MYO3B: variants seen among roughly 807,000 people sequenced by gnomAD.
MYO3B encodes myosin-IIIb.
MYO3B carries 156 observed loss-of-function variants against 174.6 expected under a neutral mutation model. The ratio of observed to expected loss-of-function variants is 0.89; its 90% CI spans 0.78 to 1.02. The LOEUF (loss-of-function observed/expected upper bound fraction) is 1.02, where lower values mean the gene tolerates loss of function less well. Ranked by LOEUF, MYO3B falls within the 50% of genes least tolerant of loss-of-function variation. The pLI is 0.00. For missense variants in MYO3B, 1,632 were observed against 1,639.4 expected (o/e 1.00, Z 0.08); for synonymous variants, 563 against 569.1 (o/e 0.99, Z 0.15).
chr2:170,485,420 C>CACACAGAGAG (rs777460347), intron 25 of MYO3B, among the ~76,000 whole-genome samples: 2 of 127,852 alleles, frequency 1.6e-5, no homozygotes, highest in African/African-American at 5.9e-5. Flanking sequence ...CACACACACA[C>CACACAGAGAG]AGAGAGAGAG....
chr2:170,596,964 C>T (rs1048364046), intron 32 of MYO3B, among the ~76,000 whole-genome samples: 1 of 152,008 alleles, frequency 6.6e-6, no homozygotes, highest in South Asian at 2.1e-4. Context: ...TCTGCTTAGG[C>T]GGGAAAATAT....
chr2:170,295,237 T>G (rs997570027), intron 7 of MYO3B, among the ~76,000 whole-genome samples: 5 of 152,042 alleles, frequency 3.3e-5, no homozygotes, highest in Non-Finnish European at 7.4e-5. Context: ...GACTTTCTAA[T>G]GGGCTAGTTT....
chr2:170,387,112 A>C lies in MYO3B; in HGVS notation c.1381A>C (p.Asn461His). 1.9e-6 allele frequency: 3 copies of C among 1,613,946 alleles called. No homozygotes were observed. The highest frequency in any genetic ancestry group is 2.5e-6 in the Non-Finnish European group (3 of 1,179,836). ...QHLTFLGKANNQTLREKILQV... is the reference protein window; with the variant it reads ...QHLTFLGKANHQTLREKILQV... ...CGTTCTCTGTTTGGCACAGGCCAAT[A>C]ATCAGACCTTGAGAGAGAAAATTCT... The change falls in exon 14 of 35, where the codon AAT becomes CAT. Residue 461 changes from asparagine to histidine, a missense_variant. Physicochemically the swap from Asn to His is moderately conservative, Grantham distance 68. Coordinates refer to ENST00000408978, the MANE Select transcript of MYO3B (RefSeq NM_138995.5).
At chr2:170,308,361 A>G (rs934826847) in intron 7 of MYO3B, among the ~76,000 whole-genome samples, 3 of 152,180 alleles carry the variant, frequency 2.0e-5, no homozygotes, top group African/African-American at 4.8e-5. Flanking sequence ...TTTTGTAGCC[A>G]TGTTGCTGAG....
intron 22 of MYO3B, among the ~76,000 whole-genome samples, chr2:170,418,132 A>G (rs1314207255): frequency 6.6e-6 from 1 of 152,168 alleles, no homozygotes; most frequent in Non-Finnish European, 1.5e-5. Flanking sequence ...CCTTCATGTC[A>G]TTGCCAGCAT....
chr2:170,442,603 T>A (rs2094809501), intron 22 of MYO3B, among the ~76,000 whole-genome samples: 1 of 151,944 alleles, frequency 6.6e-6, no homozygotes, highest in Non-Finnish European at 1.5e-5. Context: ...GCTGCACCCA[T>A]TAACTCATCA....
rs772540526 is a variant in MYO3B, at chr2:170,387,145, A to G, written c.1414A>G (p.Asn472Asp). 6.2e-7 allele frequency: 1 copy of G among 1,614,122 alleles called. No individual in the cohort carries two copies. The highest frequency in any genetic ancestry group is 2.2e-5 in the East Asian group (1 of 44,878). The change falls in exon 14 of 35, where the codon AAC becomes GAC. Residue 472 changes from asparagine to aspartate, a missense_variant. Physicochemically the swap from Asn to Asp is conservative, Grantham distance 23. Transcript: ENST00000408978. Reference sequence around the variant, plus strand: ...CTTGAGAGAGAAAATTCTACAAGTCAACTCCCTGGTGGAAGCCTTTGGGAA... The same window carrying G: ...CTTGAGAGAGAAAATTCTACAAGTCGACTCCCTGGTGGAAGCCTTTGGGAA... ...QTLREKILQV[N>D]SLVEAFGNSC...
chr2:170,562,809 T>C (rs1691802010), intron 32 of MYO3B, among the ~76,000 whole-genome samples: 1 of 152,214 alleles, frequency 6.6e-6, no homozygotes, highest in Non-Finnish European at 1.5e-5. Flanking sequence ...ACTTCAGCAA[T>C]TTCTGTAGCC....
At chr2:170,443,867 G>A (rs1233228289) in intron 22 of MYO3B, 100 bp from the exon 23 acceptor site, 1 of 926,160 alleles carries the variant, frequency 1.1e-6, no homozygotes, top group East Asian at 2.8e-5. Context: ...AGATTGTTTT[G>A]AAAATTCAGA....
At chr2:170,577,585 T>C (rs1692859871) in intron 32 of MYO3B, among the ~76,000 whole-genome samples, 1 of 152,206 alleles carries the variant, frequency 6.6e-6, no homozygotes, top group Non-Finnish European at 1.5e-5. Context: ...CGTTGATCAG[T>C]ATTAGGCTGT....
chr2:170,414,363 A>AT (rs1186123500), intron 22 of MYO3B, among the ~76,000 whole-genome samples: 1 of 151,892 alleles, frequency 6.6e-6, no homozygotes, highest in Non-Finnish European at 1.5e-5. Context: ...AATTTTTTGC[A>AT]TTTTTAGTAG....
chr2:170,581,070 C>T (rs1168509907), intron 32 of MYO3B, among the ~76,000 whole-genome samples: 1 of 152,168 alleles, frequency 6.6e-6, no homozygotes, highest in Admixed American at 6.5e-5. Flanking sequence ...ACACAGGATG[C>T]ACATCTACCA....
At chr2:170,652,798 G>C (rs894646318) in intron 34 of MYO3B, among the ~76,000 whole-genome samples, 185 bp from the exon 35 acceptor site, 1 of 152,152 alleles carries the variant, frequency 6.6e-6, no homozygotes, top group Non-Finnish European at 1.5e-5. Context: ...AAGGTGAAGG[G>C]CTTTGTAGAT....
At chr2:170,297,308 C>G (rs768599451) in intron 7 of MYO3B, among the ~76,000 whole-genome samples, 3 of 146,638 alleles carry the variant, frequency 2.0e-5, no homozygotes, top group African/African-American at 7.5e-5. Flanking sequence ...ATGGCCACCC[C>G]CTCCCCCAAT....
At chr2:170,561,343 T>C (rs550589610) in intron 32 of MYO3B, among the ~76,000 whole-genome samples, 2 of 152,228 alleles carry the variant, frequency 1.3e-5, no homozygotes, top group Non-Finnish European at 2.9e-5. Context: ...TGCATAAAGG[T>C]TTTACTTACT....
chr2:170,467,990 G>A (rs902756816), intron 25 of MYO3B, among the ~76,000 whole-genome samples: 1 of 151,716 alleles, frequency 6.6e-6, no homozygotes, highest in Non-Finnish European at 1.5e-5. Context: ...TTGTAACAAT[G>A]TTTGAATACA....
intron 32 of MYO3B, among the ~76,000 whole-genome samples, chr2:170,553,103 A>T (rs34209018): frequency 1.3e-5 from 2 of 151,980 alleles, no homozygotes; most frequent in African/African-American, 4.8e-5. Flanking sequence ...GCAGAGCCTC[A>T]TGGAGAACCT....
intron 25 of MYO3B, among the ~76,000 whole-genome samples, chr2:170,484,894 G>T (rs921872722): frequency 2.6e-5 from 4 of 152,098 alleles, no homozygotes; most frequent in Non-Finnish European, 5.9e-5. Context: ...GCAATTGGGG[G>T]TAATTATCAG....
Position 170,383,753 on chromosome 2 carries a change from C to G in MYO3B, c.1229C>G (p.Pro410Arg), listed in dbSNP as rs1218681053. Reference sequence around the variant, plus strand: ...GGGGTGAAACGCGCCTCCAATCCCCCCCACATATTTGCATCAGCAGATGCT... The same window carrying G: ...GGGGTGAAACGCGCCTCCAATCCCCGCCACATATTTGCATCAGCAGATGCT... ...YHGVKRASNP[P>R]HIFASADAAY... The change falls in exon 12 of 35, where the codon CCC becomes CGC. Residue 410 changes from proline (P) to arginine (R), a missense_variant. Pro to Arg is a moderately radical substitution (Grantham distance 103). Coordinates refer to ENST00000408978, the MANE Select transcript of MYO3B (RefSeq NM_138995.5). 5.6e-6 allele frequency: 9 copies of G among 1,613,728 alleles called. No individual in the cohort carries two copies. The African/African-American group carries it at 1.2e-4, about 22-fold the overall frequency.
Sources: allele counts gnomAD v4.1 joint callset (sites outside exome capture counted in the v4.1 genomes callset), GRCh38; gene constraint gnomAD v4.1.1; transcripts MANE v1.5; gene names NCBI Gene and HGNC (gene_info 2026-07-23, HGNC 2026-07-21).